Variants in AARS1 observed in about 807,000 individuals in gnomAD.
The protein encoded by AARS1 is alanyl-tRNA synthetase 1.
AARS1 carries 72 observed loss-of-function variants against 108.9 expected under a neutral mutation model. The observed-to-expected ratio is 0.66, with a 90% CI of 0.55 to 0.80. The LOEUF is 0.80. Among genes scored for constraint, AARS1 ranks in the 30% least tolerant of loss-of-function variants. The pLI, the probability that AARS1 is intolerant of heterozygous loss-of-function variation, is 0.00. For missense variants in AARS1, 1,193 were observed against 1,233.2 expected (o/e 0.97, Z 0.49); for synonymous variants, 489 against 465.7 (o/e 1.05, Z -0.64).
intron 16 of AARS1, among the ~76,000 whole-genome samples, chr16:70,255,126 T>C (rs117057627): frequency 0.026 from 3,939 of 151,006 alleles, 86 homozygotes; most frequent in Middle Eastern, 0.042. Context: ...GGGGCCCCGA[T>C]GCCACAGCGA....
At chr16:70,266,393 G>C (rs1960264228) in intron 9 of AARS1, among the ~76,000 whole-genome samples, 1 of 151,900 alleles carries the variant, frequency 6.6e-6, no homozygotes, top group South Asian at 2.1e-4. Flanking sequence ...CTACTAGAGA[G>C]GCTGAGGCAG....
Position 70,271,865 on chromosome 16 carries a change from C to A in AARS1, c.587G>T (p.Gly196Val), listed in dbSNP as rs1960412302. 1 of 1,613,894 alleles carries A rather than the reference C, an allele frequency of 6.2e-7. No individual in the cohort carries two copies. The highest frequency in any genetic ancestry group is 1.7e-5 in the Admixed American group (1 of 59,968). Reference sequence around the variant, plus strand: ...GACAAGATGTGCGGCGTCCCGACCACCAATCCGGTCGTAGTGGATCTCACT... The same window carrying A: ...GACAAGATGTGCGGCGTCCCGACCAACAATCCGGTCGTAGTGGATCTCACT... ...PCSEIHYDRIGGRDAAHLVNQ... is the reference protein window; with the variant it reads ...PCSEIHYDRIVGRDAAHLVNQ... Residue 196 changes from glycine to valine, a missense_variant, in exon 5 of 21, where the codon GGT becomes GTT. Transcript: ENST00000261772.
intron 2 of AARS1, among the ~76,000 whole-genome samples, chr16:70,278,291 G>A (rs184013417): frequency 1.1e-4 from 17 of 151,898 alleles, no homozygotes; most frequent in East Asian, 3.9e-4. Flanking sequence ...TCAGCTGGGC[G>A]CAGTGGCTCA....
chr16:70,265,447 T>C (rs1208861408), intron 10 of AARS1, 91 bp downstream of exon 10: 3 of 1,594,618 alleles, frequency 1.9e-6, no homozygotes, highest in African/African-American at 1.3e-5. Flanking sequence ...CTTCAAAGAC[T>C]TTAATGGAAG....
At position 70,262,408 on chromosome 16, in the gene AARS1, C is replaced by T; in HGVS notation, c.1609G>A (p.Glu537Lys). The change falls in exon 12 of 21, where the codon GAG (glutamate) becomes AAG (lysine). Residue 537 changes from glutamate to lysine, a missense_variant. Coordinates refer to ENST00000261772, the MANE Select transcript of AARS1 (RefSeq NM_001605.3). ...VVLDKTCFYAEQGGQIYDEGY... is the reference protein window; with the variant it reads ...VVLDKTCFYAKQGGQIYDEGY... ...TCGTCATAGATCTGGCCTCCTTGCT[C>T]AGCATAGAAACAGGTCTTGTCCAGC... 2 of 1,614,212 alleles carry T rather than the reference C, an allele frequency of 1.2e-6. No individual in the cohort carries two copies. The highest frequency in any genetic ancestry group is 1.3e-5 in the African/African-American group (1 of 75,058).
chr16:70,288,098 CTTTTTT>C (rs34369477), intron 1 of AARS1, among the ~76,000 whole-genome samples: 2 of 83,888 alleles, frequency 2.4e-5, no homozygotes, highest in African/African-American at 5.2e-5. Flanking sequence ...TCCCCTTCTT[CTTTTTT>C]TTTTTTTTTT....
chr16:70,252,356 T>A lies in AARS1; in HGVS notation c.*365A>T. 1 of 359,186 alleles carries A rather than the reference T, an allele frequency of 2.8e-6. No homozygotes were observed. The highest frequency in any genetic ancestry group is 5.2e-6 in the Non-Finnish European group (1 of 192,916). 22.2% of individuals were successfully genotyped at this position (359,186 alleles called of 1,614,324 possible). ...AGGCTGTCAAAAGAGCCAGCCCCTA[T>A]TGGGAAGAGGGATAGAGATCATGCG... On this transcript the variant is annotated 3_prime_UTR_variant, in exon 21 of 21. Transcript: ENST00000261772.
Position 70,267,657 on chromosome 16 carries a change from A to T in AARS1, c.1222+2T>A. On this transcript the variant is annotated splice_donor_variant, in intron 9 of 20. Coordinates refer to ENST00000261772, the MANE Select transcript of AARS1 (RefSeq NM_001605.3). LOFTEE classifies it high-confidence loss of function. Reference sequence around the variant, plus strand: ...TGGAGAAGGGCAAAAACTGGTACCTACCGGGAATGGTCTTGCTGTCTCCCA... The same window carrying T: ...TGGAGAAGGGCAAAAACTGGTACCTTCCGGGAATGGTCTTGCTGTCTCCCA... 1 of 1,614,064 alleles carries T rather than the reference A, an allele frequency of 6.2e-7. No homozygotes were observed. The highest frequency in any genetic ancestry group is 8.5e-7 in the Non-Finnish European group (1 of 1,180,014).
Position 70,253,749 on chromosome 16 carries a change from C to T in AARS1, c.2572G>A (p.Val858Ile). ...FIDSNPNQPL[V>I]ILEMESGASA... ...GCGCCGCTCTCCATCTCCAGGATGA[C>T]AAGAGGCTGGTTGGGGTTGCTGTCG... The change falls in exon 19 of 21, where the codon GTC becomes ATC. Residue 858 changes from valine to isoleucine, a missense_variant. Val to Ile is a conservative substitution (Grantham distance 29). Coordinates refer to ENST00000261772, the MANE Select transcript of AARS1 (RefSeq NM_001605.3). 1 of 1,614,174 alleles carries T rather than the reference C, an allele frequency of 6.2e-7. No homozygotes were observed. Among genetic ancestry groups the T allele is most frequent in the South Asian group, 1.1e-5 (1 of 91,080 alleles).
chr16:70,285,544 G>C (rs1489609954), intron 1 of AARS1, among the ~76,000 whole-genome samples: 1 of 152,138 alleles, frequency 6.6e-6, no homozygotes, highest in Non-Finnish European at 1.5e-5. Context: ...CACCTCCCAA[G>C]TTCCTGCAAT....
chr16:70,284,205 C>T (rs1325430468), intron 1 of AARS1, among the ~76,000 whole-genome samples: 1 of 151,816 alleles, frequency 6.6e-6, no homozygotes, highest in Admixed American at 6.6e-5. Context: ...ACTCACAAGG[C>T]TGAGGCAGGA....
intron 15 of AARS1, 70 bp from the exon 16 acceptor site, chr16:70,255,906 C>T (rs758600881): frequency 7.8e-6 from 11 of 1,415,170 alleles, no homozygotes; most frequent in East Asian, 2.5e-5. Context: ...GTCACACTAG[C>T]GGACAAGAGA....
chr16:70,277,918 A>G (rs1309689807), intron 2 of AARS1, among the ~76,000 whole-genome samples: 1 of 151,938 alleles, frequency 6.6e-6, no homozygotes, highest in Non-Finnish European at 1.5e-5. Context: ...ACACCTGGCT[A>G]ATTTTTGTAT....
In AARS1 at chr16:70,254,041, G is replaced by A; in HGVS notation, c.2401-3C>T. 1 of 1,613,964 alleles carries A rather than the reference G, an allele frequency of 6.2e-7. No homozygotes were observed. The highest frequency in any genetic ancestry group is 8.5e-7 in the Non-Finnish European group (1 of 1,180,034). ...GGGATGACTGCAGTGGCCAGGGCCT[G>A]GAACCAATAGACGACCATCTCAATC... is the stretch of plus-strand genomic sequence containing the variant. On this transcript the variant is annotated splice_polypyrimidine_tract_variant and splice_region_variant and intron_variant, in intron 17 of 20. Coordinates refer to ENST00000261772, the MANE Select transcript of AARS1 (RefSeq NM_001605.3).
intron 11 of AARS1, among the ~76,000 whole-genome samples, chr16:70,263,020 C>T (rs1227030239): frequency 1.5e-5 from 2 of 135,158 alleles, no homozygotes; most frequent in African/African-American, 5.5e-5. Context: ...AAGGGCTTCG[C>T]ATGCTGGCTT....
chr16:70,267,499 A>G (rs1419188185), intron 9 of AARS1, among the ~76,000 whole-genome samples, 160 bp downstream of exon 9: 1 of 152,180 alleles, frequency 6.6e-6, no homozygotes, highest in African/African-American at 2.4e-5. Flanking sequence ...CATTACTTTT[A>G]CCATTTTACT....
At chr16:70,268,836 C>G (rs955146783) in intron 7 of AARS1, among the ~76,000 whole-genome samples, 2 of 152,204 alleles carry the variant, frequency 1.3e-5, no homozygotes, top group African/African-American at 4.8e-5. Context: ...CTGAAACTCC[C>G]TTCATCCCTT....
chr16:70,254,648 C>G lies in AARS1; in HGVS notation c.2373G>C (p.Val791=). ...CTCCAAGGTCAGCGATCTCCCTCTG[C>G]ACATCCTTGTTTGGAGCAGTCTGAG... ...VKAQTAPNKD[V]QREIADLGEA... The change falls in exon 17 of 21, where the codon GTG becomes GTC. Residue 791 remains valine (V), a synonymous_variant. Transcript: ENST00000261772. The G allele has an allele frequency of 6.2e-7, 1 of 1,614,074 alleles. No individual in the cohort carries two copies.
intron 4 of AARS1, among the ~76,000 whole-genome samples, chr16:70,275,454 A>G (rs1262417396): frequency 6.6e-6 from 1 of 150,452 alleles, no homozygotes; most frequent in Non-Finnish European, 1.5e-5. Flanking sequence ...TCTCTACTAA[A>G]AAATATATAT....
Sources: allele counts gnomAD v4.1 joint callset (sites outside exome capture counted in the v4.1 genomes callset), GRCh38; gene constraint gnomAD v4.1.1; transcripts MANE v1.5; gene names NCBI Gene and HGNC (gene_info 2026-07-23, HGNC 2026-07-21).